Variants in KLHL32 observed in about 807,000 individuals in gnomAD.
The protein encoded by KLHL32 is kelch like family member 32.
Under a neutral mutation model 64.8 loss-of-function variants are expected in KLHL32, and 35 were observed. The ratio of observed to expected loss-of-function variants is 0.54; its 90% confidence interval spans 0.41 to 0.72. The LOEUF is 0.72. Among genes scored for constraint, KLHL32 ranks in the 30% least tolerant of loss-of-function variants. The pLI is 0.00. For synonymous variants in KLHL32, 259 were observed against 281.0 expected (o/e 0.92, Z 0.78); for missense variants, 589 against 768.5 (o/e 0.77, Z 2.76).
rs535633605 is a variant in KLHL32 at position 97,020,740 on chromosome 6, C to T, written c.205-20752C>T. Among the ~76,000 whole-genome samples, 16 of 151,094 alleles carry T rather than the reference C, an allele frequency of 1.1e-4. 3 individuals are homozygous for T. Among genetic ancestry groups the T allele is most frequent in the African/African-American group, 3.7e-4 (15 of 40,416 alleles). ...AACGCATCAGCATCTCAGTCACTTC[C>T]TATTTCTTCCTTGAAACATTTTCTT... On this transcript the variant is annotated intron_variant, in intron 3 of 10. Coordinates refer to ENST00000369261, the MANE Select transcript of KLHL32 (RefSeq NM_052904.4).
chr6:97,067,945 G>A (rs554929891), intron 5 of KLHL32, among the ~76,000 whole-genome samples: 9 of 152,096 alleles, frequency 5.9e-5, no homozygotes, highest in African/African-American at 1.7e-4. Context: ...CCTCAGTGGC[G>A]GGCAGAGCCT....
At chr6:97,064,766 C>T in intron 5 of KLHL32, 40 bp downstream of exon 5, 1 of 1,493,800 alleles carries the variant, frequency 6.7e-7, no homozygotes, top group Non-Finnish European at 9.3e-7. Flanking sequence ...CCTTCACATT[C>T]CTTTCCCCAC....
chr6:97,051,794 A>G (rs981533796), intron 4 of KLHL32, among the ~76,000 whole-genome samples: 6 of 152,184 alleles, frequency 3.9e-5, no homozygotes, highest in Non-Finnish European at 7.3e-5. Flanking sequence ...AAATTTCATA[A>G]GAAGATATCA....
At chr6:97,125,999 A>G (rs1052040349) in intron 7 of KLHL32, among the ~76,000 whole-genome samples, 29 of 152,286 alleles carry the variant, frequency 1.9e-4, no homozygotes, top group African/African-American at 7.0e-4. Flanking sequence ...AAGAAAAGGG[A>G]GGTCAAGGGG....
intron 3 of KLHL32, among the ~76,000 whole-genome samples, chr6:97,001,474 G>T (rs1562231470): frequency 2.0e-5 from 3 of 151,902 alleles, no homozygotes. Flanking sequence ...TTGTTTTTTT[G>T]TTTGTTTGTT....
intron 1 of KLHL32, among the ~76,000 whole-genome samples, chr6:96,952,612 C>T (rs1327044765): frequency 6.6e-6 from 1 of 152,132 alleles, no homozygotes; most frequent in Non-Finnish European, 1.5e-5. Flanking sequence ...CTGAAACTAC[C>T]TTTTGTAAGA....
At chr6:96,972,436 G>A (rs1042498920) in intron 2 of KLHL32, among the ~76,000 whole-genome samples, 2 of 152,136 alleles carry the variant, frequency 1.3e-5, no homozygotes, top group African/African-American at 4.8e-5. Context: ...ATACAATAGA[G>A]TGTTACTATG....
intron 6 of KLHL32, among the ~76,000 whole-genome samples, chr6:97,091,739 G>A (rs191116449): frequency 2.6e-5 from 4 of 152,120 alleles, no homozygotes; most frequent in East Asian, 1.9e-4. Context: ...GTTAACTCTC[G>A]ATAGTTGTAT....
intron 3 of KLHL32, among the ~76,000 whole-genome samples, chr6:97,020,523 A>T (rs1249521722): frequency 6.6e-6 from 1 of 150,802 alleles, no homozygotes; most frequent in African/African-American, 2.5e-5. Context: ...TCCTACTAGT[A>T]CTATCAACTC....
chr6:97,124,231 AG>A (rs1798655551), intron 7 of KLHL32, among the ~76,000 whole-genome samples: 2 of 152,222 alleles, frequency 1.3e-5, no homozygotes, highest in African/African-American at 4.8e-5. Flanking sequence ...TTGCAGCACT[AG>A]GTTTGTTAGG....
intron 1 of KLHL32, among the ~76,000 whole-genome samples, chr6:96,942,550 G>A (rs1275921787): frequency 6.6e-6 from 1 of 152,026 alleles, no homozygotes; most frequent in Non-Finnish European, 1.5e-5. Context: ...AATGATAGAA[G>A]CTATGTCTTG....
At chr6:96,930,067 T>C (rs1054385549) in intron 1 of KLHL32, among the ~76,000 whole-genome samples, 1 of 151,170 alleles carries the variant, frequency 6.6e-6, no homozygotes, top group Non-Finnish European at 1.5e-5. Context: ...GGCTACCCCC[T>C]CCCTTCCCCA....
At chr6:97,035,761 TTC>T (rs1192331075) in intron 3 of KLHL32, among the ~76,000 whole-genome samples, 2 of 152,172 alleles carry the variant, frequency 1.3e-5, no homozygotes, top group African/African-American at 4.8e-5. Context: ...TCTTTCAAAA[TTC>T]TCTGTCTTTA....
In KLHL32 at chr6:96,927,152, T is replaced by C. The variant is rs548869822; in HGVS notation, c.-66+2126T>C. On this transcript the variant is annotated intron_variant, in intron 1 of 10. Coordinates refer to ENST00000369261, the MANE Select transcript of KLHL32 (RefSeq NM_052904.4). ...TGAAGTGCTCTAAAATAGGAATTTTTGAATCTGGTGAAACAAAAGCATATA... is the reference window on the plus strand; with the variant it reads ...TGAAGTGCTCTAAAATAGGAATTTTCGAATCTGGTGAAACAAAAGCATATA... Among the ~76,000 whole-genome samples, 3 of 152,376 alleles carry C rather than the reference T, an allele frequency of 2.0e-5. No homozygotes were observed. In the East Asian group the frequency reaches 5.8e-4, roughly 29 times the overall value.
At chr6:97,094,680 A>G (rs988809117) in intron 6 of KLHL32, among the ~76,000 whole-genome samples, 4 of 152,210 alleles carry the variant, frequency 2.6e-5, no homozygotes, top group African/African-American at 9.6e-5. Context: ...CAGGGAAAAA[A>G]AGTCAATGAC....
chr6:97,056,364 C>G (rs1315539909), intron 4 of KLHL32, among the ~76,000 whole-genome samples: 1 of 152,134 alleles, frequency 6.6e-6, no homozygotes, highest in Non-Finnish European at 1.5e-5. Context: ...CTTGGCCTCC[C>G]AAAGTGCTGG....
chr6:96,930,983 G>A (rs1201001227), intron 1 of KLHL32, among the ~76,000 whole-genome samples: 1 of 152,170 alleles, frequency 6.6e-6, no homozygotes, highest in African/African-American at 2.4e-5. Context: ...TACCTGGCGG[G>A]TACAGACCTC....
At chr6:96,997,837 C>T (rs1778581207) in intron 3 of KLHL32, among the ~76,000 whole-genome samples, 2 of 152,062 alleles carry the variant, frequency 1.3e-5, no homozygotes, top group Admixed American at 1.3e-4. Flanking sequence ...CCATAAAAAA[C>T]GTACAAACCA....
At chr6:96,906,424 G>A in the KLHL32 span, among the ~76,000 whole-genome samples, 1 of 152,158 alleles carries the variant, frequency 6.6e-6, no homozygotes, top group Non-Finnish European at 1.5e-5. Context: ...TCAGGTGGTG[G>A]TAGAGGTTTA....
Sources: allele counts gnomAD v4.1 joint callset (sites outside exome capture counted in the v4.1 genomes callset), GRCh38; gene constraint gnomAD v4.1.1; transcripts MANE v1.5; gene names NCBI Gene and HGNC (gene_info 2026-07-23, HGNC 2026-07-21).